PKHD1L1: variants seen among roughly 807,000 people sequenced by gnomAD.
PKHD1L1 encodes fibrocystin-L.
Under a neutral mutation model 462.9 loss-of-function variants are expected in PKHD1L1, and 434 were observed. The observed-to-expected ratio is 0.94, with a 90% CI of 0.87 to 1.02. The LOEUF is 1.02. PKHD1L1 is among the 50% of genes least tolerant of loss of function. The pLI, the probability that PKHD1L1 is intolerant of heterozygous loss-of-function variation, is 0.00. For missense variants in PKHD1L1, 5,202 were observed against 5,096.1 expected (o/e 1.02, Z -0.63); for synonymous variants, 1,781 against 1,750.0 (o/e 1.02, Z -0.44).
At position 109,438,408 on chromosome 8, in the gene PKHD1L1, C is replaced by G. The variant is rs983774654; in HGVS notation, c.3712C>G (p.Gln1238Glu). ...ARDAFSYNCL[Q>E]TPIITDFSPK... ...GGATGCTTTTAGTTATAATTGTTTACAGACACCAATTATAACTGATTTTAG... is the reference window on the plus strand; with the variant it reads ...GGATGCTTTTAGTTATAATTGTTTAGAGACACCAATTATAACTGATTTTAG... The change falls in exon 31 of 78, where the codon CAG (glutamine) becomes GAG (glutamate). Residue 1238 changes from glutamine (Q) to glutamate (E), a missense_variant. Physicochemically the swap from Gln to Glu is conservative, Grantham distance 29. Transcript: ENST00000378402. 7.8e-6 allele frequency: 12 copies of G among 1,540,246 alleles called. No individual in the cohort carries two copies. Among genetic ancestry groups the G allele is most frequent in the Non-Finnish European group, 1.1e-5 (12 of 1,139,548 alleles).
At position 109,452,701 on chromosome 8, in the gene PKHD1L1, CTT is replaced by C. The variant is rs1586546705; in HGVS notation, c.6508-16_6508-15del. 4 of 1,456,716 alleles carry C rather than the reference CTT, an allele frequency of 2.7e-6. No homozygotes were observed. Among genetic ancestry groups the C allele is most frequent in the Non-Finnish European group, 3.6e-6 (4 of 1,108,498 alleles). 90.2% of individuals were successfully genotyped at this position (1,456,716 alleles called of 1,614,324 possible). A position where few individuals can be genotyped will look rare whatever the true frequency, so the allele number is the denominator to read the frequency against. ...GTAAAATCCCTAAATTTTAAGGTCT[CTT>C]ATGTTCTATTACAGGATAATGCTGA... On this transcript the variant is annotated splice_polypyrimidine_tract_variant and intron_variant, in intron 42 of 77. Coordinates refer to ENST00000378402, the MANE Select transcript of PKHD1L1 (RefSeq NM_177531.6).
intron 2 of PKHD1L1, among the ~76,000 whole-genome samples, chr8:109,369,753 A>C (rs1040458671): frequency 1.3e-5 from 2 of 152,142 alleles, no homozygotes; most frequent in Non-Finnish European, 2.9e-5. Flanking sequence ...AAGATAAGCA[A>C]AGTTGACAAA....
At chr8:109,434,009 A>G (rs1815254552) in intron 28 of PKHD1L1, among the ~76,000 whole-genome samples, 4 of 152,156 alleles carry the variant, frequency 2.6e-5, no homozygotes, top group Admixed American at 2.6e-4. Context: ...AACTAACACA[A>G]GAACGGAAAA....
At chr8:109,430,516 T>C (rs924765617) in intron 27 of PKHD1L1, among the ~76,000 whole-genome samples, 3 of 152,182 alleles carry the variant, frequency 2.0e-5, no homozygotes, top group Non-Finnish European at 2.9e-5. Context: ...ATAAAAATTA[T>C]TGCCATGAAC....
chr8:109,426,417 G>T (rs1677799563), intron 24 of PKHD1L1, among the ~76,000 whole-genome samples: 1 of 151,590 alleles, frequency 6.6e-6, no homozygotes, highest in Non-Finnish European at 1.5e-5. Flanking sequence ...TTTGGTCCAA[G>T]GCCACAGTAT....
rs1479032451 is a variant in PKHD1L1, at chr8:109,536,562, C to CT, written c.*6473dup. On this transcript the variant is annotated 3_prime_UTR_variant, in exon 78 of 78. Coordinates refer to ENST00000378402, the MANE Select transcript of PKHD1L1 (RefSeq NM_177531.6). Reference sequence around the variant, plus strand: ...ACTTAATTCATAATATAGCTGAACTCTGTCATAAATCTAATAACGATGTGG... The same window carrying CT: ...ACTTAATTCATAATATAGCTGAACTCTTGTCATAAATCTAATAACGATGTGG... 1.3e-5 allele frequency among the ~76,000 whole-genome samples: 2 copies of CT among 152,208 alleles called. No individual in the cohort carries two copies. Among genetic ancestry groups the CT allele is most frequent in the African/African-American group, 4.8e-5 (2 of 41,446 alleles).
At chr8:109,460,344 T>C (rs1011422441) in intron 47 of PKHD1L1, among the ~76,000 whole-genome samples, 2 of 152,240 alleles carry the variant, frequency 1.3e-5, no homozygotes, top group Admixed American at 6.6e-5. Context: ...CAGAACAGTG[T>C]GAGAGTGGGT....
intron 50 of PKHD1L1, among the ~76,000 whole-genome samples, chr8:109,473,280 G>A (rs954631526): frequency 6.6e-6 from 1 of 152,158 alleles, no homozygotes; most frequent in Non-Finnish European, 1.5e-5. Flanking sequence ...GGGGGGCAAA[G>A]GTGGGCAGAT....
At chr8:109,469,798 T>C (rs929263851) in intron 50 of PKHD1L1, among the ~76,000 whole-genome samples, 23 of 152,170 alleles carry the variant, frequency 1.5e-4, no homozygotes, top group African/African-American at 5.5e-4. Flanking sequence ...ATGATGTTAC[T>C]TAAACTTTTA....
At chr8:109,521,224 T>C (rs1028335737) in intron 73 of PKHD1L1, among the ~76,000 whole-genome samples, 1 of 152,216 alleles carries the variant, frequency 6.6e-6, no homozygotes, top group African/African-American at 2.4e-5. Flanking sequence ...CTGAGCACTC[T>C]AAGCCTTATG....
intron 2 of PKHD1L1, among the ~76,000 whole-genome samples, chr8:109,377,354 T>C (rs1203034554): frequency 1.3e-5 from 2 of 152,194 alleles, no homozygotes; most frequent in African/African-American, 4.8e-5. Context: ...GGTTTACCTT[T>C]TTTTGTTTAC....
intron 21 of PKHD1L1, among the ~76,000 whole-genome samples, chr8:109,417,524 A>C (rs1033185599): frequency 1.3e-4 from 19 of 151,108 alleles, no homozygotes; most frequent in Non-Finnish European, 2.4e-4. Context: ...TCAAGACAAA[A>C]TTTATCCGCT....
At chr8:109,426,668 T>G (rs1237872927) in intron 24 of PKHD1L1, among the ~76,000 whole-genome samples, 4 of 152,182 alleles carry the variant, frequency 2.6e-5, no homozygotes, top group African/African-American at 9.7e-5. Flanking sequence ...TTATTAATTT[T>G]TTTTTGAGAC....
rs1373002348 is a variant in PKHD1L1 at position 109,515,275 on chromosome 8, C to T, written c.11659C>T (p.His3887Tyr). ...TACAATATGGAATGCCCAGCAGAAA[C>T]ACTGTGAACTTAATAACCATCTGTA... ...KTTIWNAQQK[H>Y]CELNNHLYKD... Residue 3887 changes from histidine to tyrosine, a missense_variant, in exon 72 of 78, where the codon CAC becomes TAC. By Grantham distance (83) the His-to-Tyr change is moderately conservative. This residue lies in a region of PKHD1L1 where 698 missense variants were observed against 736.3 expected (regional missense o/e 0.95). Coordinates refer to ENST00000378402, the MANE Select transcript of PKHD1L1 (RefSeq NM_177531.6). 6 of 1,600,510 alleles carry T rather than the reference C, an allele frequency of 3.7e-6. No individual in the cohort carries two copies. The highest frequency in any genetic ancestry group is 2.7e-5 in the African/African-American group (2 of 74,534).
chr8:109,524,525 A>G (rs759972344), intron 76 of PKHD1L1, among the ~76,000 whole-genome samples: 5 of 152,178 alleles, frequency 3.3e-5, no homozygotes, highest in Non-Finnish European at 7.3e-5. Context: ...GGTGGACCCA[A>G]TAAGTATCCA....
In PKHD1L1 at chr8:109,464,469, T is replaced by C. The variant is rs748203947; in HGVS notation, c.7637T>C (p.Val2546Ala). The change falls in exon 49 of 78, where the codon GTA becomes GCA. Residue 2546 changes from valine (V) to alanine (A), a missense_variant. Around this residue, in one of 3 missense-constraint regions of PKHD1L1, gnomAD observed 4,497 missense variants for 4,336.8 expected, o/e 1.04. Coordinates refer to ENST00000378402, the MANE Select transcript of PKHD1L1 (RefSeq NM_177531.6). The part of the protein sequence containing the change: ...NILQYNLAVF[V>A]QQSTSLLNDD... The stretch of plus-strand genomic sequence containing the variant: ...CTCCAGTATAACTTGGCAGTATTTG[T>C]ACAGCAAAGTACCAGTCTTCTGAAT... 6.2e-7 allele frequency: 1 copy of C among 1,613,758 alleles called. No homozygotes were observed. The highest frequency in any genetic ancestry group is 1.1e-5 in the South Asian group (1 of 91,080).
chr8:109,416,045 C>A (rs532796028), intron 21 of PKHD1L1, among the ~76,000 whole-genome samples: 7 of 152,164 alleles, frequency 4.6e-5, no homozygotes, highest in Middle Eastern at 6.8e-3. Context: ...GTGAGGGCAA[C>A]TGTAGACCAA....
At chr8:109,370,088 G>A (rs534835293) in intron 2 of PKHD1L1, among the ~76,000 whole-genome samples, 1 of 152,124 alleles carries the variant, frequency 6.6e-6, no homozygotes, top group South Asian at 2.1e-4. Context: ...TCGAATCCCG[G>A]CTACCCACTT....
In PKHD1L1 at chr8:109,486,670, A is replaced by G; in HGVS notation, c.9729A>G (p.Gly3243=). ...CAGCTGAAAAATACCATGTCCCTGG[A>G]ACTGGTGAGAGCTACACGTTAGCAG... ...THFAEKYHVP[G]TGESYTLAAD... is the part of the protein sequence containing the mutation. Residue 3243 remains glycine, a synonymous_variant, in exon 59 of 78, where the codon GGA becomes GGG. Transcript: ENST00000378402. 1 of 1,611,734 alleles carries G rather than the reference A, an allele frequency of 6.2e-7. No homozygotes were observed. Among genetic ancestry groups the G allele is most frequent in the Non-Finnish European group, 8.5e-7 (1 of 1,178,576 alleles).
Sources: allele counts gnomAD v4.1 joint callset (sites outside exome capture counted in the v4.1 genomes callset), GRCh38; gene constraint gnomAD v4.1.1; regional missense constraint gnomAD v4.1.1; transcripts MANE v1.5; gene names NCBI Gene and HGNC (gene_info 2026-07-23, HGNC 2026-07-21).